RBFOX1: variants seen among roughly 807,000 people sequenced by gnomAD.
The protein encoded by RBFOX1 is RNA binding fox-1 homolog 1.
A neutral mutation model predicts 57.7 loss-of-function variants in RBFOX1; 8 were observed. The observed-to-expected ratio is 0.14, with a 90% CI of 0.08 to 0.25. The LOEUF is 0.25. RBFOX1 is among the 10% of genes least tolerant of loss of function. RBFOX1 has a pLI of 1.00. For synonymous variants in RBFOX1, 326 were observed against 222.4 expected (o/e 1.47, Z -4.15); for missense variants, 611 against 548.5 (o/e 1.11, Z -1.14).
intron 4 of RBFOX1, among the ~76,000 whole-genome samples, chr16:7,120,677 C>G (rs1438279274): frequency 4.3e-5 from 6 of 140,258 alleles, no homozygotes; most frequent in African/African-American, 1.6e-4. Context: ...GCTATTCCAC[C>G]AAACATTTAA....
Position 7,120,853 on chromosome 16 carries a change from A to ACACG in RBFOX1, c.27+68758_27+68759insGCAC, listed in dbSNP as rs1210677517. 2.0e-5 allele frequency among the ~76,000 whole-genome samples: 3 copies of ACACG among 150,430 alleles called. No individual in the cohort carries two copies. The East Asian group carries it at 5.8e-4, about 29-fold the overall frequency. ...TATACACACACACACACACACACAC[A>ACACG]CACACATACGTAAACATATATCATG... On this transcript the variant is annotated intron_variant, in intron 4 of 15. Coordinates refer to ENST00000550418, the MANE Select transcript of RBFOX1 (RefSeq NM_018723.4).
At chr16:5,836,727 A>G (rs1396523405) in intron 3 of RBFOX1, among the ~76,000 whole-genome samples, 1 of 152,036 alleles carries the variant, frequency 6.6e-6, no homozygotes, top group African/African-American at 2.4e-5. Context: ...CCTGGCCTCT[A>G]CCCACTAGAT....
rs114078983 is a variant in RBFOX1 at position 6,079,408 on chromosome 16, C to T, written c.-127+59416C>T. Among the ~76,000 whole-genome samples the T allele has an allele frequency of 3.3e-3, 500 of 152,334 alleles. 2 individuals carry two copies. The highest frequency in any genetic ancestry group is 0.012 in the African/African-American group (483 of 41,574). On this transcript the variant is annotated intron_variant, in intron 1 of 15. Coordinates refer to ENST00000550418, the MANE Select transcript of RBFOX1 (RefSeq NM_018723.4). ...CTCACTGCAGCCTTGACCTCCTGGC[C>T]TCAAGTGATCTTCCTACTTCAGCCT...
rs139093220 is a variant in RBFOX1 at position 6,713,712 on chromosome 16, C to G, written c.-16+59062C>G. On this transcript the variant is annotated intron_variant, in intron 3 of 15. Coordinates refer to ENST00000550418, the MANE Select transcript of RBFOX1 (RefSeq NM_018723.4). ...TTGTTTTTAGACATTTGCAGAACCT[C>G]TCTTCCTCTCTCTTTCCACATCTAC... Among the ~76,000 whole-genome samples, 132 of 152,290 alleles carry G rather than the reference C, an allele frequency of 8.7e-4. 1 individual carries two copies. The highest frequency in any genetic ancestry group is 3.0e-3 in the African/African-American group (123 of 41,572).
At chr16:6,849,293 C>T (rs770335057) in intron 3 of RBFOX1, among the ~76,000 whole-genome samples, 3 of 152,158 alleles carry the variant, frequency 2.0e-5, no homozygotes, top group Non-Finnish European at 2.9e-5. Flanking sequence ...ATATTCTGCT[C>T]ATTGGCAAAA....
chr16:5,869,734 C>G (rs1230493582), intron 4 of RBFOX1, among the ~76,000 whole-genome samples: 2 of 152,048 alleles, frequency 1.3e-5, no homozygotes, highest in African/African-American at 2.4e-5. Context: ...CTCATTTTAC[C>G]TGTTGAAAAA....
chr16:5,786,300 A>G (rs1478578008), intron 3 of RBFOX1, among the ~76,000 whole-genome samples: 1 of 151,998 alleles, frequency 6.6e-6, no homozygotes, highest in Non-Finnish European at 1.5e-5. Context: ...TCTGGGAAAA[A>G]TGAACCTCTG....
At chr16:5,856,219 A>ATATATATGTG (rs1399919901) in intron 3 of RBFOX1, among the ~76,000 whole-genome samples, 8 of 34,488 alleles carry the variant, frequency 2.3e-4, no homozygotes, top group South Asian at 8.8e-4. Context: ...ATATATATGT[A>ATATATATGTG]TATATATATG....
At position 6,736,059 on chromosome 16, in the gene RBFOX1, G is replaced by A. The variant is rs1429076204; in HGVS notation, c.-16+81409G>A. ...AGCATGGTTACCCCAATATTTTTCT[G>A]ATCTATCCAGTATTACACAATTTTT... On this transcript the variant is annotated intron_variant, in intron 3 of 15. Coordinates refer to ENST00000550418, the MANE Select transcript of RBFOX1 (RefSeq NM_018723.4). Among the ~76,000 whole-genome samples, 6 of 127,450 alleles carry A rather than the reference G, an allele frequency of 4.7e-5. No individual in the cohort carries two copies. In the East Asian group the frequency reaches 9.3e-4, roughly 20 times the overall value. The allele number at this position is 127,450 out of a possible 152,430, so 83.6% of individuals were successfully genotyped here.
intron 3 of RBFOX1, among the ~76,000 whole-genome samples, chr16:6,963,111 G>A (rs2083367297): frequency 6.6e-6 from 1 of 152,116 alleles, no homozygotes; most frequent in Non-Finnish European, 1.5e-5. Context: ...GGAAGTCCGA[G>A]ATTCACCTCT....
At chr16:5,883,312 C>A (rs190507669) in intron 4 of RBFOX1, among the ~76,000 whole-genome samples, 88 of 152,210 alleles carry the variant, frequency 5.8e-4, no homozygotes, top group African/African-American at 1.8e-3. Flanking sequence ...TCAGAAAAAT[C>A]TCTCTTACCC....
chr16:7,681,949 C>G (rs926022972), intron 14 of RBFOX1, among the ~76,000 whole-genome samples: 2 of 152,062 alleles, frequency 1.3e-5, no homozygotes, highest in Non-Finnish European at 2.9e-5. Context: ...AGATCTTATT[C>G]TAGTGCCGTA....
At chr16:6,708,160 G>C (rs6500812) in intron 3 of RBFOX1, among the ~76,000 whole-genome samples, 149,137 of 152,224 alleles carry the variant, frequency 0.98, 73,136 homozygotes, top group Middle Eastern at 1. Context: ...GATGTTGGGG[G>C]TTATGACTTT....
intron 3 of RBFOX1, among the ~76,000 whole-genome samples, chr16:7,006,397 C>T (rs555653778): frequency 9.2e-5 from 14 of 152,252 alleles, no homozygotes; most frequent in Admixed American, 9.2e-4. Flanking sequence ...TTGTGATCCA[C>T]CCGCTTTGGC....
intron 2 of RBFOX1, among the ~76,000 whole-genome samples, chr16:6,393,402 T>G (rs533748858): frequency 1.3e-5 from 2 of 152,302 alleles, no homozygotes; most frequent in African/African-American, 4.8e-5. Flanking sequence ...CTTTGAGATA[T>G]TGTGGGCATT....
At chr16:7,618,145 A>G (rs1404698505) in intron 10 of RBFOX1, among the ~76,000 whole-genome samples, 1 of 152,200 alleles carries the variant, frequency 6.6e-6, no homozygotes, top group Non-Finnish European at 1.5e-5. Flanking sequence ...AAGGTTGCAT[A>G]AGACCTTAAA....
chr16:7,284,198 T>G (rs745983395), intron 4 of RBFOX1, among the ~76,000 whole-genome samples: 3 of 152,238 alleles, frequency 2.0e-5, no homozygotes, highest in African/African-American at 7.2e-5. Flanking sequence ...TTGTGTTGTT[T>G]CCAGTTTTTG....
chr16:6,830,876 C>T (rs948245419), intron 3 of RBFOX1, among the ~76,000 whole-genome samples: 9 of 152,112 alleles, frequency 5.9e-5, no homozygotes, highest in Non-Finnish European at 8.8e-5. Context: ...AGTAACTCTC[C>T]CACCTCCTGG....
intron 3 of RBFOX1, among the ~76,000 whole-genome samples, chr16:6,947,973 C>T (rs539883388): frequency 6.6e-6 from 1 of 152,144 alleles, no homozygotes; most frequent in African/African-American, 2.4e-5. Flanking sequence ...GAGACAGGCT[C>T]TTATCACGTT....
Sources: allele counts gnomAD v4.1 joint callset (sites outside exome capture counted in the v4.1 genomes callset), GRCh38; gene constraint gnomAD v4.1.1; transcripts MANE v1.5; gene names NCBI Gene and HGNC (gene_info 2026-07-23, HGNC 2026-07-21).